The following SH3RF3 variants were observed in gnomAD, a reference collection of about 807,000 sequenced individuals.
SH3RF3 encodes E3 ubiquitin-protein ligase SH3RF3.
In SH3RF3, 29 loss-of-function variants were observed where a neutral mutation model predicts 66.3. The observed-to-expected ratio is 0.44, with a 90% CI of 0.33 to 0.60. The LOEUF (loss-of-function observed/expected upper bound fraction) is 0.60, where lower values mean the gene tolerates loss of function less well. Ranked by LOEUF, SH3RF3 falls within the 20% of genes least tolerant of loss-of-function variation. The probability of loss-of-function intolerance (pLI) is 0.04; values close to 1 mark genes in which losing one functional copy is unlikely to be tolerated. For synonymous variants in SH3RF3, 583 were observed against 532.0 expected (o/e 1.10, Z -1.32); for missense variants, 1,194 against 1,190.9 (o/e 1.00, Z -0.04).
At chr2:109,187,672 T>G (rs1363017967) in intron 1 of SH3RF3, among the ~76,000 whole-genome samples, 1 of 152,206 alleles carries the variant, frequency 6.6e-6, no homozygotes, top group Non-Finnish European at 1.5e-5. Flanking sequence ...CACTCTGATG[T>G]TCACACAATG....
intron 1 of SH3RF3, among the ~76,000 whole-genome samples, chr2:109,233,440 C>T (rs924498236): frequency 9.2e-5 from 14 of 152,240 alleles, no homozygotes; most frequent in African/African-American, 3.4e-4. Flanking sequence ...CGTGTCTTCC[C>T]TCCTCTGCTG....
rs190849810 is a variant in SH3RF3 at position 109,484,447 on chromosome 2, A to T, written c.2149-6158A>T. 9.9e-5 allele frequency among the ~76,000 whole-genome samples: 15 copies of T among 151,910 alleles called. No individual in the cohort carries two copies. In the East Asian group the frequency reaches 2.5e-3, roughly 26 times the overall value. ...CTGGCCCGCACCTGCTTTTTGCTAGATTTACCTGTTCCACACCTCTGACCA... is the reference window on the plus strand; with the variant it reads ...CTGGCCCGCACCTGCTTTTTGCTAGTTTTACCTGTTCCACACCTCTGACCA... On this transcript the variant is annotated intron_variant, in intron 8 of 9. Coordinates refer to ENST00000309415, the MANE Select transcript of SH3RF3 (RefSeq NM_001099289.3).
chr2:109,223,482 C>T (rs944812130), intron 1 of SH3RF3, among the ~76,000 whole-genome samples: 4 of 152,226 alleles, frequency 2.6e-5, no homozygotes, highest in East Asian at 3.9e-4. Context: ...CATGGCCTGC[C>T]CATGTCAGTC....
intron 1 of SH3RF3, among the ~76,000 whole-genome samples, chr2:109,284,709 G>A (rs1680985134): frequency 6.6e-6 from 1 of 152,162 alleles, no homozygotes; most frequent in African/African-American, 2.4e-5. Context: ...TCTAGGCCAG[G>A]CAGATCATCT....
chr2:109,256,465 C>G (rs1381958573), intron 1 of SH3RF3, among the ~76,000 whole-genome samples: 1 of 150,638 alleles, frequency 6.6e-6, no homozygotes, highest in Non-Finnish European at 1.5e-5. Flanking sequence ...CGAGTGCTCT[C>G]TCATGGAAAC....
intron 1 of SH3RF3, among the ~76,000 whole-genome samples, chr2:109,273,663 C>T (rs1391577752): frequency 2.0e-5 from 3 of 152,126 alleles, no homozygotes; most frequent in African/African-American, 2.4e-5. Flanking sequence ...ATTAAACATG[C>T]GCAACTGCTG....
intron 3 of SH3RF3, among the ~76,000 whole-genome samples, chr2:109,394,565 C>G (rs994407920): frequency 6.6e-6 from 1 of 152,210 alleles, no homozygotes. Context: ...TTGATGTTAT[C>G]ATTTTGTTTC....
chr2:109,455,171 C>T (rs917790533), intron 8 of SH3RF3, among the ~76,000 whole-genome samples: 1 of 152,170 alleles, frequency 6.6e-6, no homozygotes, highest in Non-Finnish European at 1.5e-5. Context: ...TGGTGGCCTC[C>T]TAGTCCCTGG....
chr2:109,482,949 A>G (rs1678873864), intron 8 of SH3RF3, among the ~76,000 whole-genome samples: 2 of 152,238 alleles, frequency 1.3e-5, no homozygotes, highest in East Asian at 1.9e-4. Flanking sequence ...TTGAAGATGC[A>G]TGTTAATGTT....
chr2:109,432,554 A>G lies in SH3RF3; in HGVS notation c.1457A>G (p.His486Arg). Residue 486 changes from histidine (H) to arginine (R), a missense_variant, in exon 6 of 10, where the codon CAC becomes CGC. Physicochemically the swap from His to Arg is conservative, Grantham distance 29. Transcript: ENST00000309415. ...CAGAAGAGTGACGAGCTGGAGCTGC[A>G]CAAGGGAGAGATGTACCGGGTCCTC... ...KPQKSDELEL[H>R]KGEMYRVLEK... 1.9e-6 allele frequency: 3 copies of G among 1,613,730 alleles called. No individual in the cohort carries two copies. Among genetic ancestry groups the G allele is most frequent in the South Asian group, 2.2e-5 (2 of 90,976 alleles).
At chr2:109,366,825 C>T (rs956282551) in intron 2 of SH3RF3, among the ~76,000 whole-genome samples, 3 of 152,152 alleles carry the variant, frequency 2.0e-5, no homozygotes, top group Non-Finnish European at 4.4e-5. Flanking sequence ...TGCACTCCAG[C>T]CTGGGCAACA....
chr2:109,496,613 A>C (rs910435362), intron 9 of SH3RF3, among the ~76,000 whole-genome samples: 5 of 152,172 alleles, frequency 3.3e-5, no homozygotes, highest in African/African-American at 1.2e-4. Flanking sequence ...TTCACATCGG[A>C]TCAGCTCATC....
At chr2:109,239,153 T>C (rs1012760203) in intron 1 of SH3RF3, among the ~76,000 whole-genome samples, 2 of 152,088 alleles carry the variant, frequency 1.3e-5, no homozygotes, top group South Asian at 4.1e-4. Context: ...GTGAGCACTT[T>C]GAGCTTCCCC....
At chr2:109,136,317 T>C (rs1192553406) in intron 1 of SH3RF3, among the ~76,000 whole-genome samples, 1 of 152,134 alleles carries the variant, frequency 6.6e-6, no homozygotes, top group Non-Finnish European at 1.5e-5. Flanking sequence ...TTTATCAGAT[T>C]TGCCTTGCTT....
intron 1 of SH3RF3, among the ~76,000 whole-genome samples, chr2:109,151,926 T>C (rs111766151): frequency 4.7e-4 from 71 of 152,352 alleles, no homozygotes; most frequent in African/African-American, 1.3e-3. Flanking sequence ...GTTAATATAA[T>C]AACAGCCTGG....
intron 7 of SH3RF3, among the ~76,000 whole-genome samples, chr2:109,440,041 C>G (rs754315574): frequency 2.6e-5 from 4 of 152,052 alleles, no homozygotes; most frequent in Non-Finnish European, 1.5e-5. Flanking sequence ...TCTGAGCAGA[C>G]AAAAGAGAAA....
chr2:109,370,512 T>G (rs1683246143), intron 2 of SH3RF3, among the ~76,000 whole-genome samples: 1 of 152,166 alleles, frequency 6.6e-6, no homozygotes, highest in Admixed American at 6.5e-5. Context: ...GTGCTGTGAT[T>G]ACAGGCATGA....
At chr2:109,215,032 T>C (rs1679075653) in intron 1 of SH3RF3, among the ~76,000 whole-genome samples, 1 of 152,232 alleles carries the variant, frequency 6.6e-6, no homozygotes, top group South Asian at 2.1e-4. Flanking sequence ...AAACAGCTTT[T>C]GTACTTCTAA....
chr2:109,183,659 T>C (rs902932220), intron 1 of SH3RF3, among the ~76,000 whole-genome samples: 1 of 152,248 alleles, frequency 6.6e-6, no homozygotes, highest in Non-Finnish European at 1.5e-5. Flanking sequence ...TCTTTGATTC[T>C]GAAAATGTAC....
Sources: allele counts gnomAD v4.1 joint callset (sites outside exome capture counted in the v4.1 genomes callset), GRCh38; gene constraint gnomAD v4.1.1; transcripts MANE v1.5; gene names NCBI Gene and HGNC (gene_info 2026-07-23, HGNC 2026-07-21).